The following SLC12A1 variants were observed in gnomAD, a reference collection of about 807,000 sequenced individuals.
SLC12A1 encodes the protein Na-K-2Cl cotransporter.
SLC12A1 carries 89 observed loss-of-function variants against 130.4 expected under a neutral mutation model. That is an observed-to-expected ratio of 0.68 (90% confidence interval 0.58 to 0.81). SLC12A1 has a LOEUF of 0.81. SLC12A1 is among the 40% of genes least tolerant of loss of function. The probability of loss-of-function intolerance (pLI) is 0.00; values close to 1 mark genes in which losing one functional copy is unlikely to be tolerated. For synonymous variants in SLC12A1, 499 were observed against 460.0 expected (o/e 1.08, Z -1.09); for missense variants, 1,310 against 1,336.4 (o/e 0.98, Z 0.31).
intron 18 of SLC12A1, among the ~76,000 whole-genome samples, chr15:48,268,425 C>T (rs2041857283): frequency 6.6e-6 from 1 of 152,054 alleles, no homozygotes. Flanking sequence ...GTTGAAAACC[C>T]TAATTATATA....
intron 17 of SLC12A1, among the ~76,000 whole-genome samples, chr15:48,263,742 G>C (rs923320051): frequency 6.6e-6 from 1 of 151,708 alleles, no homozygotes; most frequent in African/African-American, 2.4e-5. Flanking sequence ...ACTTAAGCTG[G>C]AGTACAATGG....
chr15:48,291,489 A>T (rs1055482524), intron 23 of SLC12A1, among the ~76,000 whole-genome samples: 1 of 152,176 alleles, frequency 6.6e-6, no homozygotes, highest in African/African-American at 2.4e-5. Context: ...AGAAATGTGG[A>T]CAGATTTGCA....
At chr15:48,283,362 G>T (rs993472945) in intron 20 of SLC12A1, among the ~76,000 whole-genome samples, 5 of 152,172 alleles carry the variant, frequency 3.3e-5, no homozygotes, top group African/African-American at 9.7e-5. Context: ...AGCTGTAATT[G>T]GTTGTGACCC....
At chr15:48,244,645 G>T in intron 10 of SLC12A1, 108 bp from the exon 11 acceptor site, 2 of 1,086,394 alleles carry the variant, frequency 1.8e-6, no homozygotes, top group Non-Finnish European at 2.7e-6. Flanking sequence ...AGTGAACAGA[G>T]GCTAAGAAAT....
chr15:48,244,703 A>G (rs763126599), intron 10 of SLC12A1, 50 bp from the exon 11 acceptor site: 2 of 1,597,014 alleles, frequency 1.3e-6, no homozygotes, highest in Non-Finnish European at 1.7e-6. Flanking sequence ...AGAAAACCGT[A>G]AGGGACCAGA....
rs35031378 is a variant in SLC12A1 at position 48,275,170 on chromosome 15, T to C, written c.2485+517T>C. Among the ~76,000 whole-genome samples the C allele has an allele frequency of 4.8e-3, 737 of 152,292 alleles. 8 individuals carry two copies. Among genetic ancestry groups the C allele is most frequent in the Middle Eastern group, 0.044 (13 of 294 alleles). ...TTTTCCCTGTAGAGAATTTGGTATA[T>C]TTGCTTAGTCTTAGAATTTAAACAT... On this transcript the variant is annotated intron_variant, in intron 20 of 26. Coordinates refer to ENST00000380993, the MANE Select transcript of SLC12A1 (RefSeq NM_000338.3).
At chr15:48,239,093 CA>C (rs919202745) in intron 9 of SLC12A1, among the ~76,000 whole-genome samples, 18 of 152,182 alleles carry the variant, frequency 1.2e-4, no homozygotes, top group African/African-American at 4.3e-4. Context: ...AACTACATTT[CA>C]AGTGAAAACC....
chr15:48,253,124 A>G (rs2041666674), intron 15 of SLC12A1, among the ~76,000 whole-genome samples: 1 of 152,230 alleles, frequency 6.6e-6, no homozygotes, highest in Non-Finnish European at 1.5e-5. Flanking sequence ...TTACTCTGCC[A>G]GTAAAGCAGA....
chr15:48,269,766 T>A lies in SLC12A1; in HGVS notation c.2402+2T>A, dbSNP rs762234872. On this transcript the variant is annotated splice_donor_variant, in intron 19 of 26. Coordinates refer to ENST00000380993, the MANE Select transcript of SLC12A1 (RefSeq NM_000338.3). LOFTEE classifies it high-confidence loss of function. The stretch of plus-strand genomic sequence containing the variant: ...TGAGAACTACGTGGGAATCATACAG[T>A]AAGTGATGGCTTTCAAGACGTGTTC... The A allele has an allele frequency of 1.8e-5, 27 of 1,524,262 alleles. No homozygotes were observed. The highest frequency in any genetic ancestry group is 2.5e-5 in the Non-Finnish European group (27 of 1,098,956). The allele number at this position is 1,524,262 out of a possible 1,614,324, so 94.4% of individuals were successfully genotyped here.
intron 19 of SLC12A1, among the ~76,000 whole-genome samples, chr15:48,270,466 T>C (rs1445215700): frequency 6.6e-6 from 1 of 151,512 alleles, no homozygotes; most frequent in Non-Finnish European, 1.5e-5. Context: ...AAAAATTAAG[T>C]AGCATGCTGA....
chr15:48,296,405 T>A (rs540427143), intron 24 of SLC12A1, among the ~76,000 whole-genome samples: 1 of 152,180 alleles, frequency 6.6e-6, no homozygotes, highest in Non-Finnish European at 1.5e-5. Flanking sequence ...CAGGAGAAAC[T>A]GAAAAGCTCT....
chr15:48,237,816 T>C (rs750854242), intron 9 of SLC12A1, among the ~76,000 whole-genome samples: 4 of 152,168 alleles, frequency 2.6e-5, no homozygotes, highest in African/African-American at 4.8e-5. Flanking sequence ...TGATTAAATA[T>C]GTGTGTTAGA....
chr15:48,269,744 G>C lies in SLC12A1; in HGVS notation c.2382G>C (p.Glu794Asp). Residue 794 changes from glutamate to aspartate, a missense_variant, in exon 19 of 27, where the codon GAG (glutamate) becomes GAC (aspartate). Physicochemically the swap from Glu to Asp is conservative, Grantham distance 45 (BLOSUM62 2). Coordinates refer to ENST00000380993, the MANE Select transcript of SLC12A1 (RefSeq NM_000338.3). ...NWRKAPLTEIENYVGIIHDAF... is the reference protein window; with the variant it reads ...NWRKAPLTEIDNYVGIIHDAF... The stretch of plus-strand genomic sequence containing the variant: ...GGAAAGCTCCCTTGACAGAGATTGA[G>C]AACTACGTGGGAATCATACAGTAAG... 6.3e-7 allele frequency: 1 copy of C among 1,598,262 alleles called. No homozygotes were observed. The highest frequency in any genetic ancestry group is 8.6e-7 in the Non-Finnish European group (1 of 1,166,032).
In SLC12A1 at chr15:48,240,030, CATATATATATATATATATCCAT is replaced by C. The variant is rs1567316798; in HGVS notation, c.1216-1446_1216-1425del. Among the ~76,000 whole-genome samples, 39 of 13,128 alleles carry C rather than the reference CATATATATATATATATATCCAT, an allele frequency of 3.0e-3. 2 individuals are homozygous for C. The highest frequency in any genetic ancestry group is 0.014 in the Admixed American group (9 of 662). The allele number at this position is 13,128 out of a possible 152,430, so 8.6% of individuals were successfully genotyped here. A position where few individuals can be genotyped will look rare whatever the true frequency, so the allele number is the denominator to read the frequency against. On this transcript the variant is annotated intron_variant, in intron 9 of 26. Transcript: ENST00000380993. ...TTATCCATATATATATATATATATC[CATATATATATATATATATCCAT>C]ATATATATATATATATATCCATATA...
At chr15:48,251,499 C>A in intron 14 of SLC12A1, 116 bp from the exon 15 acceptor site, 1 of 804,208 alleles carries the variant, frequency 1.2e-6, no homozygotes, top group Non-Finnish European at 2.1e-6. Context: ...TGGAACTTGG[C>A]CTAAAAGTTC....
chr15:48,301,501 T>G (rs911607533), intron 26 of SLC12A1, 119 bp downstream of exon 26: 5 of 448,584 alleles, frequency 1.1e-5, no homozygotes, highest in African/African-American at 3.7e-5. Context: ...TGTGTTTTTT[T>G]TGGGGGGGGG....
chr15:48,256,603 G>C (rs1042665930), intron 16 of SLC12A1, among the ~76,000 whole-genome samples: 1 of 152,150 alleles, frequency 6.6e-6, no homozygotes, highest in African/African-American at 2.4e-5. Context: ...CTTACATGGC[G>C]GCAGGCAAGG....
chr15:48,288,233 T>A, intron 22 of SLC12A1, 59 bp downstream of exon 22: 4 of 1,522,802 alleles, frequency 2.6e-6, no homozygotes, highest in Non-Finnish European at 3.6e-6. Flanking sequence ...AAACTTAAAC[T>A]GCATGAGAAG....
At chr15:48,242,668 G>T (rs933580964) in intron 10 of SLC12A1, among the ~76,000 whole-genome samples, 2 of 152,064 alleles carry the variant, frequency 1.3e-5, no homozygotes, top group Non-Finnish European at 2.9e-5. Context: ...CGGGCGTGGC[G>T]GCACACACCT....
Sources: gnomAD v4.1 joint callset for allele counts (sites outside exome capture counted in the v4.1 genomes callset) on GRCh38, gnomAD v4.1.1 for gene constraint, MANE v1.5 for transcripts, NCBI Gene and HGNC (gene_info 2026-07-23, HGNC 2026-07-21) for gene names.